Variants in ENOX1 observed in about 807,000 individuals in gnomAD.
The protein encoded by ENOX1 is candidate growth-related and time keeping constitutive hydroquinone (NADH) oxidase.
ENOX1 carries 42 observed loss-of-function variants against 82.5 expected under a neutral mutation model. That is an observed-to-expected ratio of 0.51 (90% CI 0.40 to 0.66). The LOEUF is 0.66. ENOX1 is among the 30% of genes least tolerant of loss of function. ENOX1 has a pLI of 0.00. For synonymous variants in ENOX1, 271 were observed against 282.2 expected, an observed-to-expected ratio of 0.96 and a Z score of 0.40; for missense variants, 608 against 811.6, an observed-to-expected ratio of 0.75 and a Z score of 3.05.
chr13:43,649,843 C>A (rs1188632798), intron 2 of ENOX1, among the ~76,000 whole-genome samples: 2 of 152,188 alleles, frequency 1.3e-5, no homozygotes, highest in Non-Finnish European at 2.9e-5. Context: ...GCCTAAGTCC[C>A]AATCCTCTGA....
intron 1 of ENOX1, among the ~76,000 whole-genome samples, chr13:43,670,523 C>A (rs1171460432): frequency 6.6e-6 from 1 of 152,028 alleles, no homozygotes; most frequent in Non-Finnish European, 1.5e-5. Flanking sequence ...ACTGGCCAAT[C>A]AACATAAGCC....
In ENOX1 at chr13:43,766,017, T is replaced by C. The variant is rs563800846; in HGVS notation, c.-285+20635A>G. Among the ~76,000 whole-genome samples, 11 of 152,316 alleles carry C rather than the reference T, an allele frequency of 7.2e-5. No individual in the cohort carries two copies. In the South Asian group the frequency reaches 2.3e-3, roughly 32 times the overall value. ...TCTTATGACACTAAAACTAAATCTC[T>C]AAAAGACAAAAGAATCATTAGTCAT... On this transcript the variant is annotated intron_variant, in intron 1 of 16. Transcript: ENST00000690772.
intron 2 of ENOX1, among the ~76,000 whole-genome samples, chr13:43,542,911 G>A (rs1354591979): frequency 6.6e-6 from 1 of 152,154 alleles, no homozygotes; most frequent in Admixed American, 6.5e-5. Flanking sequence ...TTCTCACATG[G>A]TGGAAGGGAG....
intron 1 of ENOX1, among the ~76,000 whole-genome samples, chr13:43,778,415 A>G (rs1371776635): frequency 6.6e-6 from 1 of 152,212 alleles, no homozygotes; most frequent in Non-Finnish European, 1.5e-5. Context: ...GAGGAAAAAA[A>G]GCAACCCCAC....
At chr13:43,283,804 T>C (rs1434635473) in intron 12 of ENOX1, among the ~76,000 whole-genome samples, 6 of 152,038 alleles carry the variant, frequency 3.9e-5, no homozygotes, top group African/African-American at 7.2e-5. Context: ...TAGTTTTTTT[T>C]CCTAAAACAA....
chr13:43,247,902 T>TTA (rs2043218500), intron 14 of ENOX1, among the ~76,000 whole-genome samples: 2 of 66,504 alleles, frequency 3.0e-5, no homozygotes, highest in African/African-American at 1.2e-4. Flanking sequence ...TTTTTTTTTT[T>TTA]TGAGACGGAG....
Position 43,344,686 on chromosome 13 carries a change from A to G in ENOX1, c.888T>C (p.Asn296=), listed in dbSNP as rs552587375. ...LLSWIERGEV[N]RRSANQFYSM... ...AATAGAACTGGTTTGCAGAGCGCCGATTCACTTCCCCTCGTTCAATCCAGG... is the reference window on the plus strand; with the variant it reads ...AATAGAACTGGTTTGCAGAGCGCCGGTTCACTTCCCCTCGTTCAATCCAGG... Residue 296 remains asparagine (N), a synonymous_variant, in exon 9 of 17, where the codon AAT becomes AAC. Transcript: ENST00000690772. The G allele has an allele frequency of 3.9e-5, 63 of 1,614,136 alleles. No homozygotes were observed. The South Asian group carries it at 6.5e-4, about 17-fold the overall frequency.
In ENOX1 at chr13:43,326,524, A is replaced by G. The variant is rs766434251; in HGVS notation, c.1038T>C (p.Phe346=). 2.5e-6 allele frequency: 4 copies of G among 1,613,566 alleles called. No homozygotes were observed. In the South Asian group the frequency reaches 4.4e-5, roughly 18 times the overall value. The change falls in exon 10 of 17, where the codon TTT becomes TTC. Residue 346 remains phenylalanine, a splice_region_variant and synonymous_variant. Transcript: ENST00000690772. ...CGTTGAAAACGGCCACAATCTGCTC[A>G]ACTTTGGTGAACAAGGAAGTCAAAC... ...KNALTGILTQ[F]EQIVAVFNAS...
intron 2 of ENOX1, among the ~76,000 whole-genome samples, chr13:43,588,402 C>T (rs745375438): frequency 3.3e-5 from 5 of 152,140 alleles, no homozygotes; most frequent in South Asian, 2.1e-4. Flanking sequence ...AATCAGTAAT[C>T]GTCATAACGC....
chr13:43,532,776 G>T (rs1330341183), intron 2 of ENOX1, among the ~76,000 whole-genome samples: 1 of 151,788 alleles, frequency 6.6e-6, no homozygotes, highest in Non-Finnish European at 1.5e-5. Flanking sequence ...AAATGTGAAA[G>T]GATACTAACC....
chr13:43,415,953 GA>G (rs2054468009), intron 3 of ENOX1, among the ~76,000 whole-genome samples: 1 of 145,390 alleles, frequency 6.9e-6, no homozygotes, highest in Non-Finnish European at 1.5e-5. Flanking sequence ...TGGCCGGACA[GA>G]AGCGCTCCTC....
At chr13:43,334,261 A>G (rs768441624) in intron 9 of ENOX1, among the ~76,000 whole-genome samples, 4 of 152,218 alleles carry the variant, frequency 2.6e-5, no homozygotes, top group Non-Finnish European at 5.9e-5. Flanking sequence ...AGGTTCACTG[A>G]GACGAATATT....
intron 2 of ENOX1, among the ~76,000 whole-genome samples, chr13:43,563,772 C>T (rs2079793256): frequency 6.6e-6 from 1 of 152,026 alleles, no homozygotes; most frequent in Non-Finnish European, 1.5e-5. Flanking sequence ...AAGACACATA[C>T]AGTCTACCAA....
rs560926947 is a variant in ENOX1 at position 43,319,172 on chromosome 13, A to C, written c.1261+3212T>G. Among the ~76,000 whole-genome samples the C allele has an allele frequency of 3.3e-5, 5 of 152,370 alleles. No individual in the cohort carries two copies. In the East Asian group the frequency reaches 9.6e-4, roughly 29 times the overall value. On this transcript the variant is annotated intron_variant, in intron 11 of 16. Coordinates refer to ENST00000690772, the MANE Select transcript of ENOX1 (RefSeq NM_001347969.2). ...TTATCTTCACAGGCTTCAGAGCAGG[A>C]TGCCGATCTTCTAGAATGAATGCTT...
intron 2 of ENOX1, among the ~76,000 whole-genome samples, chr13:43,590,811 C>G (rs2081215710): frequency 6.8e-6 from 1 of 147,472 alleles, no homozygotes; most frequent in Non-Finnish European, 1.5e-5. Flanking sequence ...GCCTATGTAT[C>G]AAAAGATAAA....
chr13:43,726,835 A>G (rs933443429), intron 1 of ENOX1, among the ~76,000 whole-genome samples: 14 of 151,832 alleles, frequency 9.2e-5, no homozygotes, highest in Non-Finnish European at 1.8e-4. Context: ...TCTGCCTCCC[A>G]GGTTCAAGCA....
At chr13:43,771,933 ATTTTTTTTT>A (rs34718451) in intron 1 of ENOX1, among the ~76,000 whole-genome samples, 14 of 101,002 alleles carry the variant, frequency 1.4e-4, no homozygotes, top group East Asian at 2.8e-4. Flanking sequence ...CGCCCGGCTA[ATTTTTTTTT>A]TTTTTTTTTT....
At chr13:43,470,317 CACATATATATAT>C (rs1566306250) in intron 3 of ENOX1, among the ~76,000 whole-genome samples, 715 of 41,792 alleles carry the variant, frequency 0.017, 34 homozygotes, top group African/African-American at 0.049. Context: ...CATATATATA[CACATATATATAT>C]GTATATATAT....
At chr13:43,247,195 A>G (rs1394702879) in intron 14 of ENOX1, among the ~76,000 whole-genome samples, 2 of 152,156 alleles carry the variant, frequency 1.3e-5, no homozygotes, top group African/African-American at 2.4e-5. Flanking sequence ...ATGCGCCTGT[A>G]ATCCCAGCTA....
Sources: allele counts gnomAD v4.1 joint callset (sites outside exome capture counted in the v4.1 genomes callset), GRCh38; gene constraint gnomAD v4.1.1; transcripts MANE v1.5; gene names NCBI Gene and HGNC (gene_info 2026-07-23, HGNC 2026-07-21).